The following TTC7A variants were observed in gnomAD, a reference collection of about 807,000 sequenced individuals.
TTC7A encodes the protein tetratricopeptide repeat domain 7A, also known as tetratricopeptide repeat protein 7A.
TTC7A carries 110 observed loss-of-function variants against 103.7 expected under a neutral mutation model. The ratio of observed to expected loss-of-function variants is 1.06; its 90% CI spans 0.91 to 1.24. TTC7A has a LOEUF of 1.24. TTC7A is among the 50% of genes most tolerant of loss of function. The probability of loss-of-function intolerance (pLI) is 0.00; values close to 1 mark genes in which losing one functional copy is unlikely to be tolerated. For synonymous variants in TTC7A, 521 were observed against 467.9 expected (o/e 1.11, Z -1.47); for missense variants, 1,340 against 1,116.3 (o/e 1.20, Z -2.86).
chr2:47,017,640 T>G (rs1572920222), intron 11 of TTC7A, among the ~76,000 whole-genome samples: 1 of 152,252 alleles, frequency 6.6e-6, no homozygotes, highest in East Asian at 1.9e-4. Context: ...GGACCCTGGA[T>G]AGGGGATGGA....
chr2:46,990,867 T>C (rs1289011815), intron 5 of TTC7A, among the ~76,000 whole-genome samples: 1 of 152,122 alleles, frequency 6.6e-6, no homozygotes, highest in Non-Finnish European at 1.5e-5. Flanking sequence ...AGAACCCCCC[T>C]GGTGATCTGA....
At chr2:47,001,846 C>T (rs539981319) in intron 8 of TTC7A, among the ~76,000 whole-genome samples, 1 of 135,788 alleles carries the variant, frequency 7.4e-6, no homozygotes, top group East Asian at 2.1e-4. Flanking sequence ...GCAACAAGAG[C>T]GAGACTCTGT....
intron 5 of TTC7A, among the ~76,000 whole-genome samples, chr2:46,992,675 C>T (rs573855320): frequency 4.6e-5 from 7 of 152,250 alleles, no homozygotes; most frequent in East Asian, 3.9e-4. Flanking sequence ...ACCCCCAAGG[C>T]GCAGTGGGAG....
chr2:47,021,907 G>C lies in TTC7A; in HGVS notation c.1438G>C (p.Glu480Gln), dbSNP rs754011911. Reference sequence around the variant, plus strand: ...TGCCATGATGGTGATCAGCCTCGGAGAGGAAGCCGGGGAGTTCCTCCCCAA... The same window carrying C: ...TGCCATGATGGTGATCAGCCTCGGACAGGAAGCCGGGGAGTTCCTCCCCAA... Reference protein sequence around the residue: ...HFAMMVISLGEEAGEFLPKGY... With the variant: ...HFAMMVISLGQEAGEFLPKGY... The change falls in exon 12 of 20, where the codon GAG becomes CAG. Residue 480 changes from glutamate to glutamine, a missense_variant. Physicochemically the swap from Glu to Gln is conservative, Grantham distance 29. Coordinates refer to ENST00000319190, the MANE Select transcript of TTC7A (RefSeq NM_020458.4). 6.2e-7 allele frequency: 1 copy of C among 1,614,196 alleles called. No homozygotes were observed. Among genetic ancestry groups the C allele is most frequent in the Non-Finnish European group, 8.5e-7 (1 of 1,180,002 alleles).
intron 2 of TTC7A, among the ~76,000 whole-genome samples, chr2:46,926,279 C>CT (rs1491410991): frequency 6.6e-6 from 1 of 152,206 alleles, no homozygotes; most frequent in East Asian, 1.9e-4. Flanking sequence ...GTTCCACACA[C>CT]TGAGTATATG....
chr2:47,051,298 C>A (rs1682835522), intron 17 of TTC7A, among the ~76,000 whole-genome samples: 1 of 152,158 alleles, frequency 6.6e-6, no homozygotes, highest in Non-Finnish European at 1.5e-5. Flanking sequence ...TCTTTTGTAA[C>A]TTGCTTGTTT....
chr2:47,046,705 C>T, intron 16 of TTC7A: 2 of 455,908 alleles, frequency 4.4e-6, no homozygotes, highest in Non-Finnish European at 7.9e-6. Flanking sequence ...GAGCTGGGTG[C>T]TGGGCTTGTT....
At chr2:46,950,277 G>T in intron 1 of TTC7A, 86 bp from the exon 2 acceptor site, 1 of 1,417,522 alleles carries the variant, frequency 7.1e-7, no homozygotes, top group Non-Finnish European at 9.8e-7. Context: ...GGGTATGGGT[G>T]GTTGGGTGGG....
rs928120028 is a variant in TTC7A at position 46,989,850 on chromosome 2, G to A, written c.765-3600G>A. 4.1e-5 allele frequency among the ~76,000 whole-genome samples: 6 copies of A among 147,924 alleles called. No individual in the cohort carries two copies. The East Asian group carries it at 1.2e-3, about 28-fold the overall frequency. On this transcript the variant is annotated intron_variant, in intron 5 of 19. Transcript: ENST00000319190. ...TGTGTGTGTGTGTGTGCATCTGTGT[G>A]TGTGTGTTTTGGAGGGGAGTCTGCA...
intron 2 of TTC7A, among the ~76,000 whole-genome samples, chr2:46,932,075 C>T (rs1255289710): frequency 6.6e-6 from 1 of 151,860 alleles, no homozygotes; most frequent in Non-Finnish European, 1.5e-5. Flanking sequence ...TTTAAAAAAC[C>T]TTTAACAAAC....
intron 10 of TTC7A, among the ~76,000 whole-genome samples, chr2:47,009,196 C>T (rs72872937): frequency 0.013 from 2,047 of 152,216 alleles, 45 homozygotes; most frequent in African/African-American, 0.046. Flanking sequence ...CTTCAAGCCC[C>T]TCAGGCACCC....
At chr2:47,029,092 C>A in intron 14 of TTC7A, 132 bp from the exon 15 acceptor site, 2 of 1,023,832 alleles carry the variant, frequency 2.0e-6, no homozygotes, top group Non-Finnish European at 1.4e-6. Flanking sequence ...TTTCTCACAG[C>A]AGCCTCCCTG....
In TTC7A at chr2:46,978,922, GT is replaced by G; in HGVS notation, c.764+17del. 1 of 1,579,446 alleles carries G rather than the reference GT, an allele frequency of 6.3e-7. No homozygotes were observed. The highest frequency in any genetic ancestry group is 1.3e-5 in the African/African-American group (1 of 74,268). On this transcript the variant is annotated intron_variant, in intron 5 of 19. Coordinates refer to ENST00000319190, the MANE Select transcript of TTC7A (RefSeq NM_020458.4). Reference sequence around the variant, plus strand: ...CTGAAGAAGGGGTAGGTCACTGGTAGTTGAGTGAGTGGGAGAACGATTCCCC... The same window carrying G: ...CTGAAGAAGGGGTAGGTCACTGGTAGTGAGTGAGTGGGAGAACGATTCCCC...
intron 15 of TTC7A, among the ~76,000 whole-genome samples, chr2:47,037,608 A>G (rs1681252535): frequency 6.6e-6 from 1 of 152,232 alleles, no homozygotes; most frequent in African/African-American, 2.4e-5. Context: ...CCGCCCTGGT[A>G]TACTTGAACT....
intron 11 of TTC7A, among the ~76,000 whole-genome samples, chr2:47,013,139 G>A (rs1678258455): frequency 6.6e-6 from 1 of 152,154 alleles, no homozygotes; most frequent in Non-Finnish European, 1.5e-5. Context: ...GGGCTGGACG[G>A]GTCAGGGAGG....
At chr2:47,031,221 A>G (rs181714139) in intron 15 of TTC7A, among the ~76,000 whole-genome samples, 79 of 152,342 alleles carry the variant, frequency 5.2e-4, no homozygotes, top group African/African-American at 1.8e-3. Flanking sequence ...GGAAATCCTA[A>G]CACAGAGAAA....
At chr2:47,064,031 G>C (rs932543525) in intron 19 of TTC7A, among the ~76,000 whole-genome samples, 1 of 152,252 alleles carries the variant, frequency 6.6e-6, no homozygotes, top group Non-Finnish European at 1.5e-5. Context: ...CTGTCCCCCT[G>C]TCGGTGCCCT....
chr2:46,990,503 A>G (rs1176370114), intron 5 of TTC7A, among the ~76,000 whole-genome samples: 8 of 152,246 alleles, frequency 5.3e-5, no homozygotes, highest in Middle Eastern at 3.2e-3. Flanking sequence ...TCCCCTACTC[A>G]TGAGCTCCCA....
intron 2 of TTC7A, among the ~76,000 whole-genome samples, chr2:46,956,054 G>A (rs1005169798): frequency 1.4e-4 from 22 of 152,236 alleles, no homozygotes; most frequent in African/African-American, 5.3e-4. Context: ...GGCCAGCACA[G>A]CCTCCCTCAG....
Sources: gnomAD v4.1 joint callset for allele counts (sites outside exome capture counted in the v4.1 genomes callset) on GRCh38, gnomAD v4.1.1 for gene constraint, MANE v1.5 for transcripts, NCBI Gene and HGNC (gene_info 2026-07-23, HGNC 2026-07-21) for gene names.